Variants in BIRC6 observed in about 807,000 individuals in gnomAD.
The protein encoded by BIRC6 is baculoviral IAP repeat containing 6.
BIRC6 carries 98 observed loss-of-function variants against 503.3 expected under a neutral mutation model. The observed-to-expected ratio is 0.19, with a 90% CI of 0.17 to 0.23. BIRC6 has a LOEUF of 0.23. Ranked by LOEUF, BIRC6 falls within the 10% of genes least tolerant of loss-of-function variation. BIRC6 has a pLI of 1.00. For synonymous variants in BIRC6, 2,240 were observed against 2,078.7 expected (o/e 1.08, Z -2.11); for missense variants, 5,360 against 5,806.0 (o/e 0.92, Z 2.50).
intron 15 of BIRC6, 97 bp from the exon 16 acceptor site, chr2:32,439,411 T>C (rs1318356855): frequency 3.3e-6 from 4 of 1,219,946 alleles, no homozygotes; most frequent in African/African-American, 1.5e-5. Flanking sequence ...ACTGTACTTT[T>C]TGTGGAGTTA....
chr2:32,541,395 A>G (rs1294417216), intron 61 of BIRC6, among the ~76,000 whole-genome samples: 1 of 152,092 alleles, frequency 6.6e-6, no homozygotes, highest in African/African-American at 2.4e-5. Flanking sequence ...AGATGCATGT[A>G]GTGTAGCCGT....
chr2:32,600,122 C>T (rs936263760), intron 70 of BIRC6, among the ~76,000 whole-genome samples: 4 of 152,120 alleles, frequency 2.6e-5, no homozygotes, highest in African/African-American at 7.2e-5. Flanking sequence ...AGAAGTTACT[C>T]GGGGACTTAA....
chr2:32,617,719 G>A lies in BIRC6; in HGVS notation c.14395-6G>A, dbSNP rs1201158867. On this transcript the variant is annotated splice_region_variant and splice_polypyrimidine_tract_variant and intron_variant, in intron 73 of 73. Coordinates refer to ENST00000421745, the MANE Select transcript of BIRC6 (RefSeq NM_016252.4). Reference sequence around the variant, plus strand: ...GTTCTAACATTAGTCCTTTTCTCCTGCATAGCGTCACACTGCTCAGCTCCG... The same window carrying A: ...GTTCTAACATTAGTCCTTTTCTCCTACATAGCGTCACACTGCTCAGCTCCG... The A allele has an allele frequency of 1.2e-6, 2 of 1,612,538 alleles. No homozygotes were observed. Among genetic ancestry groups the A allele is most frequent in the South Asian group, 2.2e-5 (2 of 90,954 alleles).
chr2:32,359,102 A>G (rs929368944), intron 1 of BIRC6, among the ~76,000 whole-genome samples: 25 of 152,210 alleles, frequency 1.6e-4, no homozygotes, highest in African/African-American at 6.0e-4. Flanking sequence ...CCTGGACTGC[A>G]TTTCTCCAAT....
chr2:32,526,220 A>C (rs369502669), intron 59 of BIRC6, among the ~76,000 whole-genome samples: 2 of 152,288 alleles, frequency 1.3e-5, no homozygotes, highest in East Asian at 3.9e-4. Context: ...CCACAAGAGG[A>C]AAAAGATCTT....
At chr2:32,548,079 T>C in intron 64 of BIRC6, 65 bp downstream of exon 64, 2 of 1,361,822 alleles carry the variant, frequency 1.5e-6, no homozygotes, top group Non-Finnish European at 1.9e-6. Context: ...TATTTTAAAA[T>C]ATTGATAACT....
chr2:32,587,467 G>A (rs1232822442), intron 66 of BIRC6, among the ~76,000 whole-genome samples: 1 of 152,202 alleles, frequency 6.6e-6, no homozygotes, highest in African/African-American at 2.4e-5. Context: ...GCTAAGTGTG[G>A]CGGTTCATGC....
chr2:32,409,402 T>C (rs779664754), intron 9 of BIRC6, among the ~76,000 whole-genome samples: 23 of 152,116 alleles, frequency 1.5e-4, no homozygotes, highest in Admixed American at 2.6e-4. Flanking sequence ...GTGATCCACC[T>C]CCGTCAGCCT....
intron 65 of BIRC6, among the ~76,000 whole-genome samples, chr2:32,571,283 ACTC>A (rs1396502159): frequency 6.8e-6 from 1 of 147,316 alleles, no homozygotes; most frequent in East Asian, 2.0e-4. Flanking sequence ...GAGAGAATAA[ACTC>A]CTCCTTAATT....
intron 65 of BIRC6, among the ~76,000 whole-genome samples, chr2:32,569,634 A>T (rs896726727): frequency 1.4e-4 from 21 of 148,972 alleles, no homozygotes; most frequent in Non-Finnish European, 8.9e-5. Flanking sequence ...GACCTCCCAA[A>T]GTGCTGTGAT....
intron 65 of BIRC6, among the ~76,000 whole-genome samples, chr2:32,570,676 T>G (rs1350349759): frequency 6.6e-6 from 1 of 151,174 alleles, no homozygotes. Flanking sequence ...ATTTTTGTAT[T>G]TTTAGTAGAG....
chr2:32,519,176 G>A (rs2055375813), intron 57 of BIRC6: 1 of 393,626 alleles, frequency 2.5e-6, no homozygotes, highest in Non-Finnish European at 4.7e-6. Flanking sequence ...TGAGAAATGG[G>A]CAGCTAGAAA....
chr2:32,550,813 C>T (rs892674905), intron 65 of BIRC6, among the ~76,000 whole-genome samples: 2 of 152,016 alleles, frequency 1.3e-5, no homozygotes, highest in Non-Finnish European at 2.9e-5. Context: ...AAGTGCACTT[C>T]CTGGGAAGGT....
At chr2:32,594,501 CTT>C (rs1370054307) in intron 67 of BIRC6, among the ~76,000 whole-genome samples, 1 of 152,116 alleles carries the variant, frequency 6.6e-6, no homozygotes, top group East Asian at 1.9e-4. Context: ...TCAAGATCAG[CTT>C]GGGCAACATG....
intron 23 of BIRC6, among the ~76,000 whole-genome samples, chr2:32,460,327 G>GGA (rs1328695483): frequency 7.9e-6 from 1 of 126,576 alleles, no homozygotes; most frequent in Non-Finnish European, 1.6e-5. Flanking sequence ...TTGCCAGGCT[G>GGA]GAGTGATGGC....
At chr2:32,445,918 T>C (rs2045898900) in intron 21 of BIRC6, among the ~76,000 whole-genome samples, 1 of 151,922 alleles carries the variant, frequency 6.6e-6, no homozygotes, top group Non-Finnish European at 1.5e-5. Context: ...AGTGCAATGG[T>C]GTGATCTCAG....
intron 61 of BIRC6, among the ~76,000 whole-genome samples, chr2:32,535,261 G>C (rs143282672): frequency 6.6e-6 from 1 of 151,328 alleles, no homozygotes; most frequent in African/African-American, 2.4e-5. Flanking sequence ...CTAACAACTG[G>C]CCTTTCAACA....
chr2:32,522,478 A>C (rs2055834778), intron 57 of BIRC6: 1 of 152,166 alleles, frequency 6.6e-6, no homozygotes, highest in Non-Finnish European at 1.5e-5. Flanking sequence ...AATTTTTATA[A>C]ACCAATGTTG....
chr2:32,441,135 CT>C (rs1203026850), intron 16 of BIRC6, among the ~76,000 whole-genome samples, 193 bp from the exon 17 acceptor site: 1 of 152,006 alleles, frequency 6.6e-6, no homozygotes, highest in Non-Finnish European at 1.5e-5. Flanking sequence ...CTGTGTCTGT[CT>C]TTTTTTCCCC....
Sources: allele counts gnomAD v4.1 joint callset (sites outside exome capture counted in the v4.1 genomes callset), GRCh38; gene constraint gnomAD v4.1.1; transcripts MANE v1.5; gene names NCBI Gene and HGNC (gene_info 2026-07-23, HGNC 2026-07-21).